CENPW: variants seen among roughly 807,000 people sequenced by gnomAD.
CENPW encodes the protein centromere protein W, also known as cancer-up-regulated gene 2 protein.
CENPW carries 3 observed loss-of-function variants against 11.1 expected under a neutral mutation model. That is an observed-to-expected ratio of 0.27 (90% CI 0.12 to 0.70). The LOEUF is 0.70. CENPW is among the 30% of genes least tolerant of loss of function. The probability of loss-of-function intolerance (pLI) is 0.77; values close to 1 mark genes in which losing one functional copy is unlikely to be tolerated. For missense variants in CENPW, 100 were observed against 105.6 expected, an observed-to-expected ratio of 0.95 and a Z score of 0.23; for synonymous variants, 38 against 42.0, an observed-to-expected ratio of 0.91 and a Z score of 0.37.
At chr6:126,405,167 G>C in the CENPW span, among the ~76,000 whole-genome samples, 1 of 152,028 alleles carries the variant, frequency 6.6e-6, no homozygotes, top group Non-Finnish European at 1.5e-5. Context: ...AATTTTGGTT[G>C]AGTTTTGTAT....
the CENPW span, among the ~76,000 whole-genome samples, chr6:126,365,388 G>A: frequency 6.6e-6 from 1 of 152,190 alleles, no homozygotes; most frequent in Non-Finnish European, 1.5e-5. Context: ...TGCTTCTGGG[G>A]AAGCCTCAGG....
the CENPW span, among the ~76,000 whole-genome samples, chr6:126,460,445 C>A: frequency 4.6e-5 from 7 of 151,596 alleles, no homozygotes; most frequent in African/African-American, 1.7e-4. Flanking sequence ...GTAATGCAAG[C>A]GCTTTAAAGA....
At chr6:126,352,150 C>T (rs894097384), downstream of CENPW, among the ~76,000 whole-genome samples, 6 of 152,048 alleles carry the variant, frequency 3.9e-5, no homozygotes, top group African/African-American at 1.4e-4. Flanking sequence ...GTAAATAAAG[C>T]TTTATTGGAA....
the CENPW span, among the ~76,000 whole-genome samples, chr6:126,475,354 T>G: frequency 6.6e-6 from 1 of 152,136 alleles, no homozygotes; most frequent in South Asian, 2.1e-4. Context: ...GATTTCACAT[T>G]TCATGACTTT....
chr6:126,473,442 T>C, the CENPW span, among the ~76,000 whole-genome samples: 1 of 152,060 alleles, frequency 6.6e-6, no homozygotes, highest in African/African-American at 2.4e-5. Flanking sequence ...TTTAGAAATA[T>C]CTTTATAGGC....
At chr6:126,438,014 A>C in the CENPW span, among the ~76,000 whole-genome samples, 2 of 151,676 alleles carry the variant, frequency 1.3e-5, no homozygotes, top group African/African-American at 4.8e-5. Context: ...AAACCATGGG[A>C]GATTGGCTTT....
chr6:126,433,472 A>T, the CENPW span, among the ~76,000 whole-genome samples: 2 of 152,184 alleles, frequency 1.3e-5, no homozygotes, highest in African/African-American at 4.8e-5. Context: ...TCTCAAGTTA[A>T]CTTGATTTTA....
chr6:126,368,283 A>G, the CENPW span, among the ~76,000 whole-genome samples: 2 of 152,214 alleles, frequency 1.3e-5, no homozygotes, highest in Admixed American at 1.3e-4. Context: ...TATGTGTCAT[A>G]GACCACCATT....
chr6:126,359,537 T>C, the CENPW span, among the ~76,000 whole-genome samples: 1 of 152,086 alleles, frequency 6.6e-6, no homozygotes, highest in African/African-American at 2.4e-5. Context: ...AGTCTCCCAC[T>C]ATTACTATGT....
chr6:126,363,063 G>T, the CENPW span, among the ~76,000 whole-genome samples: 3 of 152,190 alleles, frequency 2.0e-5, no homozygotes, highest in Admixed American at 1.3e-4. Context: ...TGGATTAACA[G>T]CCACCAAGAT....
the CENPW span, among the ~76,000 whole-genome samples, chr6:126,410,129 TA>T: frequency 1.3e-5 from 2 of 152,118 alleles, no homozygotes; most frequent in African/African-American, 4.8e-5. Context: ...GTAATTATCA[TA>T]TTTTTTATTT....
chr6:126,432,435 T>A, the CENPW span, among the ~76,000 whole-genome samples: 1 of 152,214 alleles, frequency 6.6e-6, no homozygotes, highest in South Asian at 2.1e-4. Context: ...TCTAGGGGTA[T>A]ATACCAAAGA....
the CENPW span, among the ~76,000 whole-genome samples, chr6:126,376,819 T>C: frequency 6.6e-6 from 1 of 152,118 alleles, no homozygotes; most frequent in East Asian, 1.9e-4. Context: ...CATTGATTGA[T>C]AAAAGGAGAG....
At chr6:126,351,149 A>AGTGTGTGTGTGT (rs71024750), downstream of CENPW, among the ~76,000 whole-genome samples, 1 of 147,084 alleles carries the variant, frequency 6.8e-6, no homozygotes, top group Admixed American at 6.8e-5. Flanking sequence ...AGAGAGAGTG[A>AGTGTGTGTGTGT]GTGTGTGTGT....
chr6:126,471,090 G>T, the CENPW span, among the ~76,000 whole-genome samples: 1 of 152,256 alleles, frequency 6.6e-6, no homozygotes, highest in Admixed American at 6.5e-5. Flanking sequence ...AAGGACATGA[G>T]ATTTGGAAGG....
the CENPW span, among the ~76,000 whole-genome samples, chr6:126,387,848 A>G: frequency 1.3e-5 from 2 of 151,944 alleles, no homozygotes; most frequent in African/African-American, 4.8e-5. Context: ...CAAAGTGCCA[A>G]CTGCATGTGG....
chr6:126,354,224 A>G, the CENPW span, among the ~76,000 whole-genome samples: 1 of 152,206 alleles, frequency 6.6e-6, no homozygotes, highest in Non-Finnish European at 1.5e-5. Flanking sequence ...AAGCACCTTA[A>G]TGTAATTAGT....
the CENPW span, among the ~76,000 whole-genome samples, chr6:126,396,247 A>G: frequency 1.3e-5 from 2 of 152,086 alleles, no homozygotes; most frequent in Non-Finnish European, 2.9e-5. Flanking sequence ...TACTCAAGCC[A>G]CAAGACAGAA....
the CENPW span, among the ~76,000 whole-genome samples, chr6:126,362,244 G>T: frequency 6.6e-6 from 1 of 152,154 alleles, no homozygotes; most frequent in African/African-American, 2.4e-5. Context: ...GCTGCCCTTT[G>T]TTGGAGCCAC....
Sources: allele counts gnomAD v4.1 joint callset (sites outside exome capture counted in the v4.1 genomes callset), GRCh38; gene constraint gnomAD v4.1.1; transcripts MANE v1.5; gene names NCBI Gene and HGNC (gene_info 2026-07-23, HGNC 2026-07-21).